Variants in KPNA3 observed in about 807,000 individuals in gnomAD.
KPNA3 encodes karyopherin subunit alpha 3, also known as importin subunit alpha-4.
Under a neutral mutation model 73.8 loss-of-function variants are expected in KPNA3, and 13 were observed. The ratio of observed to expected loss-of-function variants is 0.18; its 90% CI spans 0.11 to 0.28. The LOEUF (loss-of-function observed/expected upper bound fraction) is 0.28, where lower values mean the gene tolerates loss of function less well. Ranked by LOEUF, KPNA3 falls within the 10% of genes least tolerant of loss-of-function variation. KPNA3 has a pLI of 1.00. For synonymous variants in KPNA3, 186 were observed against 206.9 expected, an observed-to-expected ratio of 0.90 and a Z score of 0.87; for missense variants, 360 against 618.1, an observed-to-expected ratio of 0.58 and a Z score of 4.43.
At chr13:49,760,677 T>A (rs1954751568) in intron 1 of KPNA3, among the ~76,000 whole-genome samples, 1 of 152,190 alleles carries the variant, frequency 6.6e-6, no homozygotes, top group Non-Finnish European at 1.5e-5. Context: ...CAGACAGCAC[T>A]GAGCTCGTCC....
intron 1 of KPNA3, among the ~76,000 whole-genome samples, chr13:49,779,148 T>C (rs1954921775): frequency 1.3e-5 from 2 of 152,170 alleles, no homozygotes; most frequent in African/African-American, 4.8e-5. Context: ...TTGAATTTGG[T>C]TTAACAATTC....
At chr13:49,736,482 AACTT>A (rs903519179) in intron 2 of KPNA3, among the ~76,000 whole-genome samples, 22 of 152,252 alleles carry the variant, frequency 1.4e-4, no homozygotes, top group African/African-American at 4.8e-4. Flanking sequence ...TTTCGATACT[AACTT>A]AGACTTTTTT....
chr13:49,770,151 G>T (rs919983618), intron 1 of KPNA3, among the ~76,000 whole-genome samples: 40 of 143,812 alleles, frequency 2.8e-4, no homozygotes, highest in African/African-American at 9.0e-4. Context: ...TGTATGATGT[G>T]CAATTTTTTC....
At chr13:49,789,695 G>C (rs1281451818) in intron 1 of KPNA3, among the ~76,000 whole-genome samples, 2 of 152,136 alleles carry the variant, frequency 1.3e-5, no homozygotes, top group South Asian at 4.1e-4. Flanking sequence ...TCTACTCTTA[G>C]ATATGCCTAA....
chr13:49,722,690 T>A (rs1954370760), intron 7 of KPNA3, 127 bp from the exon 8 acceptor site: 2 of 573,658 alleles, frequency 3.5e-6, no homozygotes, highest in Non-Finnish European at 6.1e-6. Context: ...GTGGCAAATA[T>A]CTTTACCCTA....
intron 10 of KPNA3, among the ~76,000 whole-genome samples, chr13:49,716,357 G>C (rs1954303800): frequency 6.6e-6 from 1 of 152,090 alleles, no homozygotes; most frequent in South Asian, 2.1e-4. Flanking sequence ...AAGACTATAT[G>C]ATCTAGAACC....
At chr13:49,721,323 G>A (rs1046609750) in intron 9 of KPNA3, among the ~76,000 whole-genome samples, 4 of 152,076 alleles carry the variant, frequency 2.6e-5, no homozygotes, top group African/African-American at 9.7e-5. Flanking sequence ...CCCTTTTATA[G>A]CTTTAAACCA....
rs115367198 is a variant in KPNA3 at position 49,710,574 on chromosome 13, C to A, written c.903+317G>T. ...TTTCTAGCTTAGGCCATGCTGTTCA[C>A]TGAAGGTAGACAAGGAAGAAGAGCA... is the stretch of plus-strand genomic sequence containing the variant. On this transcript the variant is annotated intron_variant, in intron 11 of 16. Transcript: ENST00000261667. Among the ~76,000 whole-genome samples the A allele has an allele frequency of 2.9e-3, 447 of 152,278 alleles. 5 individuals are homozygous for A. The highest frequency in any genetic ancestry group is 0.01 in the African/African-American group (431 of 41,570).
intron 1 of KPNA3, among the ~76,000 whole-genome samples, chr13:49,787,673 A>T (rs894862808): frequency 1.5e-5 from 2 of 136,632 alleles, no homozygotes; most frequent in African/African-American, 5.5e-5. Flanking sequence ...GGACCGGCTA[A>T]TTTTTGTATT....
At chr13:49,750,412 G>A (rs965719265) in intron 1 of KPNA3, among the ~76,000 whole-genome samples, 1 of 152,092 alleles carries the variant, frequency 6.6e-6, no homozygotes, top group Admixed American at 6.5e-5. Flanking sequence ...CAACACTTTC[G>A]GAGGTCGAGG....
In KPNA3 at chr13:49,699,563, T is replaced by C. The variant is rs1009242304; in HGVS notation, c.*2237A>G. 10 of 152,660 alleles carry C rather than the reference T, an allele frequency of 6.6e-5. No individual in the cohort carries two copies. The highest frequency in any genetic ancestry group is 2.4e-4 in the African/African-American group (10 of 41,472). 9.5% of individuals were successfully genotyped at this position (152,660 alleles called of 1,614,324 possible). A position where few individuals can be genotyped will look rare whatever the true frequency, so the allele number is the denominator to read the frequency against. Reference sequence around the variant, plus strand: ...AATTCAAAACTGGTAAGGTCACAAATTGAATCAAGGAAATGCATACAAGTG... The same window carrying C: ...AATTCAAAACTGGTAAGGTCACAAACTGAATCAAGGAAATGCATACAAGTG... On this transcript the variant is annotated 3_prime_UTR_variant, in exon 17 of 17. Coordinates refer to ENST00000261667, the MANE Select transcript of KPNA3 (RefSeq NM_002267.4).
At chr13:49,705,906 T>C (rs1594427938) in intron 14 of KPNA3, 123 bp from the exon 15 acceptor site, 2 of 1,013,520 alleles carry the variant, frequency 2.0e-6, no homozygotes, top group Non-Finnish European at 2.8e-6. Flanking sequence ...GAGGCTGTAG[T>C]GCGTTATGGT....
At chr13:49,770,359 A>T (rs529793478) in intron 1 of KPNA3, among the ~76,000 whole-genome samples, 3 of 151,694 alleles carry the variant, frequency 2.0e-5, no homozygotes, top group South Asian at 2.1e-4. Context: ...AATTCTTTAT[A>T]AAGACGAGGT....
intron 6 of KPNA3, among the ~76,000 whole-genome samples, chr13:49,730,760 C>A: frequency 2.9e-5 from 2 of 68,006 alleles, no homozygotes; most frequent in Admixed American, 2.2e-4. Flanking sequence ...CTAATGCTAT[C>A]CCTCCCCCCT....
intron 6 of KPNA3, among the ~76,000 whole-genome samples, chr13:49,728,923 C>T (rs557475700): frequency 2.0e-5 from 3 of 152,266 alleles, no homozygotes; most frequent in African/African-American, 7.2e-5. Flanking sequence ...CATCTTGTGA[C>T]TTCTTTTTGT....
chr13:49,782,404 CT>C (rs967322034), intron 1 of KPNA3, among the ~76,000 whole-genome samples: 16 of 152,196 alleles, frequency 1.1e-4, no homozygotes, highest in African/African-American at 3.6e-4. Context: ...TACAATCACA[CT>C]TTTTCTATAC....
intron 1 of KPNA3, among the ~76,000 whole-genome samples, chr13:49,773,900 C>T (rs1954875370): frequency 6.6e-6 from 1 of 152,064 alleles, no homozygotes. Context: ...AGCACCAATA[C>T]TATCCCATTC....
intron 1 of KPNA3, among the ~76,000 whole-genome samples, chr13:49,766,919 G>A (rs1236392847): frequency 6.8e-6 from 1 of 146,178 alleles, no homozygotes; most frequent in Admixed American, 6.8e-5. Context: ...AAGGGAGTGA[G>A]ATTTTTCACT....
chr13:49,781,046 C>T (rs1253830550), intron 1 of KPNA3, among the ~76,000 whole-genome samples: 1 of 152,054 alleles, frequency 6.6e-6, no homozygotes, highest in Non-Finnish European at 1.5e-5. Flanking sequence ...TTTAGTTCCC[C>T]AGAATCTATC....
Sources: gnomAD v4.1 joint callset for allele counts (sites outside exome capture counted in the v4.1 genomes callset) on GRCh38, gnomAD v4.1.1 for gene constraint, MANE v1.5 for transcripts, NCBI Gene and HGNC (gene_info 2026-07-23, HGNC 2026-07-21) for gene names.